Variants in KCTD8 observed in about 807,000 individuals in gnomAD.
KCTD8 encodes potassium channel tetramerization domain containing 8, also known as BTB/POZ domain-containing protein KCTD8.
Under a neutral mutation model 31.5 loss-of-function variants are expected in KCTD8, and 27 were observed. The observed-to-expected ratio is 0.86, with a 90% CI of 0.63 to 1.18. KCTD8 has a LOEUF of 1.18. KCTD8 is among the 50% of genes most tolerant of loss of function. KCTD8 has a pLI of 0.00. For synonymous variants in KCTD8, 290 were observed against 280.0 expected, an observed-to-expected ratio of 1.04 and a Z score of -0.36; for missense variants, 658 against 647.7, an observed-to-expected ratio of 1.02 and a Z score of -0.17.
At chr4:44,182,493 A>ACC (rs1372876877) in intron 1 of KCTD8, among the ~76,000 whole-genome samples, 1 of 152,186 alleles carries the variant, frequency 6.6e-6, no homozygotes, top group East Asian at 1.9e-4. Context: ...CTTACCCCCA[A>ACC]CCATGCACTC....
chr4:44,330,422 C>G (rs762772615), intron 1 of KCTD8, among the ~76,000 whole-genome samples: 9 of 151,806 alleles, frequency 5.9e-5, no homozygotes, highest in Non-Finnish European at 1.3e-4. Flanking sequence ...GCTTTTACAT[C>G]TGGAATTAGT....
chr4:44,317,250 T>TTTTTTTTTTTA (rs1718160010), intron 1 of KCTD8, among the ~76,000 whole-genome samples: 1 of 89,500 alleles, frequency 1.1e-5, no homozygotes, highest in Non-Finnish European at 2.2e-5. Flanking sequence ...TTTTTTTTTT[T>TTTTTTTTTTTA]GAGACGGAGT....
chr4:44,285,755 CT>C (rs921172978), intron 1 of KCTD8, among the ~76,000 whole-genome samples: 5 of 152,076 alleles, frequency 3.3e-5, no homozygotes, highest in Admixed American at 3.3e-4. Context: ...AGGAGTAATT[CT>C]GATTTTCAAG....
At chr4:44,385,245 A>T (rs1720179393) in intron 1 of KCTD8, among the ~76,000 whole-genome samples, 1 of 151,634 alleles carries the variant, frequency 6.6e-6, no homozygotes, top group African/African-American at 2.4e-5. Context: ...ATGGAATCTC[A>T]TGGGACCTAA....
chr4:44,338,495 C>T (rs532725187), intron 1 of KCTD8, among the ~76,000 whole-genome samples: 2 of 152,222 alleles, frequency 1.3e-5, no homozygotes, highest in South Asian at 2.1e-4. Context: ...TTTGTCTCTA[C>T]GAAAACTGCA....
intron 1 of KCTD8, among the ~76,000 whole-genome samples, chr4:44,308,960 T>C (rs1311079716): frequency 6.6e-6 from 1 of 152,134 alleles, no homozygotes; most frequent in Non-Finnish European, 1.5e-5. Flanking sequence ...GTGTATTGAA[T>C]AGTAATTATA....
At position 44,319,694 on chromosome 4, in the gene KCTD8, T is replaced by C. The variant is rs138521353; in HGVS notation, c.961+127869A>G. Among the ~76,000 whole-genome samples the C allele has an allele frequency of 3.0e-3, 458 of 152,266 alleles. 1 individual carries two copies. Among genetic ancestry groups the C allele is most frequent in the African/African-American group, 0.011 (438 of 41,562 alleles). On this transcript the variant is annotated intron_variant, in intron 1 of 1. Transcript: ENST00000360029. ...ATCTCAGAAAGGAAAGAAAAGAATCTGGAATTTGGAATGCCAAAAAGTAAA... is the reference window on the plus strand; with the variant it reads ...ATCTCAGAAAGGAAAGAAAAGAATCCGGAATTTGGAATGCCAAAAAGTAAA...
chr4:44,448,757 A>C lies in KCTD8; in HGVS notation c.-234T>G. 2 of 376,688 alleles carry C rather than the reference A, an allele frequency of 5.3e-6. No individual in the cohort carries two copies. Among genetic ancestry groups the C allele is most frequent in the Non-Finnish European group, 4.7e-6 (1 of 214,568 alleles). 23.3% of individuals were successfully genotyped at this position (376,688 alleles called of 1,614,324 possible). A position where few individuals can be genotyped will look rare whatever the true frequency, so the allele number is the denominator to read the frequency against. ...GAGCTCCGCCGGTGCGGCGGCGGCAATGGAGAGGCAAGAAGGAGCTGCTGC... is the reference window on the plus strand; with the variant it reads ...GAGCTCCGCCGGTGCGGCGGCGGCACTGGAGAGGCAAGAAGGAGCTGCTGC... On this transcript the variant is annotated 5_prime_UTR_variant, in exon 1 of 2. Transcript: ENST00000360029. This position sits in a 1 kb window ranked among gnomAD's most constrained non-coding sequence, Gnocchi z 4.1.
chr4:44,444,528 T>C (rs1721891827), intron 1 of KCTD8, among the ~76,000 whole-genome samples: 1 of 152,218 alleles, frequency 6.6e-6, no homozygotes, highest in African/African-American at 2.4e-5. Context: ...ATAAAAACAG[T>C]AACATATTAC....
At chr4:44,264,310 C>T (rs1211810915) in intron 1 of KCTD8, among the ~76,000 whole-genome samples, 2 of 152,030 alleles carry the variant, frequency 1.3e-5, no homozygotes, top group Non-Finnish European at 2.9e-5. Flanking sequence ...GAATTTAGTA[C>T]TTTTTTATGA....
At chr4:44,252,908 G>A (rs973399331) in intron 1 of KCTD8, among the ~76,000 whole-genome samples, 1 of 151,714 alleles carries the variant, frequency 6.6e-6, no homozygotes, top group East Asian at 1.9e-4. Context: ...TGGAGTGACA[G>A]TTTGAAGGTT....
intron 1 of KCTD8, among the ~76,000 whole-genome samples, chr4:44,210,637 A>G (rs1336938900): frequency 1.3e-5 from 2 of 152,198 alleles, no homozygotes; most frequent in Non-Finnish European, 2.9e-5. Context: ...TGGAAGAAAG[A>G]GCTTCCTGAG....
intron 1 of KCTD8, among the ~76,000 whole-genome samples, chr4:44,392,215 C>A (rs1720392799): frequency 6.6e-6 from 1 of 151,908 alleles, no homozygotes; most frequent in Non-Finnish European, 1.5e-5. Flanking sequence ...CCTCTCCTTT[C>A]CTTTAAGTTG....
At chr4:44,297,324 A>AT (rs1717464109) in intron 1 of KCTD8, among the ~76,000 whole-genome samples, 1 of 152,124 alleles carries the variant, frequency 6.6e-6, no homozygotes, top group South Asian at 2.1e-4. Context: ...ATTAAATCAC[A>AT]TTTTGGACTG....
intron 1 of KCTD8, among the ~76,000 whole-genome samples, chr4:44,286,289 A>G (rs1381039873): frequency 1.3e-5 from 2 of 152,160 alleles, no homozygotes; most frequent in Non-Finnish European, 2.9e-5. Context: ...TCATAAATTC[A>G]GTATCTCTGA....
chr4:44,251,041 A>T (rs1715816684), intron 1 of KCTD8, among the ~76,000 whole-genome samples: 2 of 151,656 alleles, frequency 1.3e-5, no homozygotes, highest in Non-Finnish European at 3.0e-5. Context: ...CATTTATTTC[A>T]GTTTTCCATA....
intron 1 of KCTD8, among the ~76,000 whole-genome samples, chr4:44,314,051 G>A (rs1718029661): frequency 1.3e-5 from 2 of 152,192 alleles, no homozygotes; most frequent in South Asian, 4.1e-4. Flanking sequence ...GTACAAGAAA[G>A]TAAAATTAAT....
At chr4:44,390,283 A>T (rs573742311) in intron 1 of KCTD8, among the ~76,000 whole-genome samples, 1 of 151,984 alleles carries the variant, frequency 6.6e-6, no homozygotes, top group East Asian at 1.9e-4. Context: ...TAGATTTAAG[A>T]CCTTCACCCA....
chr4:44,360,660 A>G (rs1719471332), intron 1 of KCTD8, among the ~76,000 whole-genome samples: 1 of 152,076 alleles, frequency 6.6e-6, no homozygotes, highest in African/African-American at 2.4e-5. Context: ...AATTAAAGTG[A>G]AAACAGAAAT....
Sources: gnomAD v4.1 joint callset for allele counts (sites outside exome capture counted in the v4.1 genomes callset) on GRCh38, gnomAD v4.1.1 for gene constraint, Gnocchi (gnomAD v3.1) non-coding constraint, MANE v1.5 for transcripts, NCBI Gene and HGNC (gene_info 2026-07-23, HGNC 2026-07-21) for gene names.